TBC1D5: variants seen among roughly 807,000 people sequenced by gnomAD.
TBC1D5 encodes the protein TBC1 domain family member 5.
A neutral mutation model predicts 100.3 loss-of-function variants in TBC1D5; 75 were observed. That is an observed-to-expected ratio of 0.75 (90% CI 0.62 to 0.91). The LOEUF (loss-of-function observed/expected upper bound fraction) is 0.91. Among genes scored for constraint, TBC1D5 ranks in the 40% least tolerant of loss-of-function variants. The pLI is 0.00. For missense variants in TBC1D5, 910 were observed against 942.4 expected, an observed-to-expected ratio of 0.97 and a Z score of 0.45; for synonymous variants, 323 against 325.6, an observed-to-expected ratio of 0.99 and a Z score of 0.09.
At chr3:17,317,481 T>C (rs534762475) in intron 13 of TBC1D5, among the ~76,000 whole-genome samples, 1 of 152,268 alleles carries the variant, frequency 6.6e-6, no homozygotes, top group East Asian at 1.9e-4. Context: ...TGACATAAAT[T>C]ACCTTTTCTA....
At chr3:17,212,641 T>C (rs147164359) in intron 18 of TBC1D5, among the ~76,000 whole-genome samples, 1 of 151,878 alleles carries the variant, frequency 6.6e-6, no homozygotes, top group African/African-American at 2.4e-5. Context: ...GGACAAAACG[T>C]GGAGGTGGAA....
chr3:17,225,165 G>A (rs369376348), intron 17 of TBC1D5, among the ~76,000 whole-genome samples: 14 of 152,158 alleles, frequency 9.2e-5, no homozygotes, highest in African/African-American at 2.9e-4. Flanking sequence ...CAGGCCGGAC[G>A]CGGTGGCTCA....
chr3:17,485,713 T>G (rs2095557098), intron 3 of TBC1D5, among the ~76,000 whole-genome samples: 1 of 152,146 alleles, frequency 6.6e-6, no homozygotes, highest in African/African-American at 2.4e-5. Flanking sequence ...GATGTATATG[T>G]GCCACATTTT....
At chr3:17,681,286 A>G (rs2069434335) in intron 1 of TBC1D5, among the ~76,000 whole-genome samples, 1 of 151,656 alleles carries the variant, frequency 6.6e-6, no homozygotes, top group South Asian at 2.1e-4. Flanking sequence ...GATTTATTGC[A>G]CAAGAATTTT....
intron 15 of TBC1D5, among the ~76,000 whole-genome samples, chr3:17,289,511 G>C (rs1243137070): frequency 1.3e-5 from 2 of 152,010 alleles, no homozygotes; most frequent in African/African-American, 4.8e-5. Flanking sequence ...GTGGACACCT[G>C]TAGTCCCAGC....
At chr3:17,734,776 T>C (rs961963725) in intron 1 of TBC1D5, among the ~76,000 whole-genome samples, 30 of 152,308 alleles carry the variant, frequency 2.0e-4, no homozygotes, top group African/African-American at 7.2e-4. Flanking sequence ...AATTTGGCCA[T>C]GTATAACACA....
At chr3:17,196,973 C>A (rs1245016376) in intron 18 of TBC1D5, among the ~76,000 whole-genome samples, 1 of 152,202 alleles carries the variant, frequency 6.6e-6, no homozygotes, top group African/African-American at 2.4e-5. Context: ...ATGCAGAAAA[C>A]TCCACATAGA....
intron 20 of TBC1D5, 138 bp downstream of exon 21, chr3:17,167,611 G>A (rs1442036891): frequency 5.7e-6 from 4 of 702,294 alleles, no homozygotes; most frequent in Non-Finnish European, 9.9e-6. Flanking sequence ...AAGAGGTGGT[G>A]ATGCAGAAGG....
At chr3:17,172,538 C>T (rs1338851935) in intron 19 of TBC1D5, among the ~76,000 whole-genome samples, 1 of 152,222 alleles carries the variant, frequency 6.6e-6, no homozygotes, top group Non-Finnish European at 1.5e-5. Context: ...GAAGATTACA[C>T]TCTTTATAAT....
chr3:17,640,232 T>C (rs1294474466), intron 1 of TBC1D5, among the ~76,000 whole-genome samples: 1 of 152,194 alleles, frequency 6.6e-6, no homozygotes, highest in Non-Finnish European at 1.5e-5. Flanking sequence ...AGGTGCCATT[T>C]GGTGTAGCTA....
At chr3:17,530,030 G>A (rs187402978) in intron 2 of TBC1D5, among the ~76,000 whole-genome samples, 20 of 152,202 alleles carry the variant, frequency 1.3e-4, no homozygotes, top group Admixed American at 1.1e-3. Context: ...GATCACCCGA[G>A]GTCAGGAGTT....
At chr3:17,160,430 G>C (rs2065930869) in exon 22 of TBC1D5, 2 of 152,606 alleles carry the variant, frequency 1.3e-5, no homozygotes, top group East Asian at 1.9e-4. Flanking sequence ...TCATTCTATT[G>C]CATTTAGCTC....
At chr3:17,434,162 A>G (rs1203679610) in intron 3 of TBC1D5, among the ~76,000 whole-genome samples, 1 of 152,174 alleles carries the variant, frequency 6.6e-6, no homozygotes, top group East Asian at 1.9e-4. Flanking sequence ...TAGGGTCTGG[A>G]GAACAGTGGC....
intron 3 of TBC1D5, among the ~76,000 whole-genome samples, chr3:17,435,686 CA>C (rs1279966109): frequency 6.6e-6 from 1 of 152,194 alleles, no homozygotes; most frequent in Admixed American, 6.5e-5. Context: ...ACAGCAAAAT[CA>C]TATCACTCAC....
rs539873139 is a variant in TBC1D5, at chr3:17,434,319, G to T, written c.98-5800C>A. 5.9e-5 allele frequency among the ~76,000 whole-genome samples: 9 copies of T among 152,322 alleles called. No individual in the cohort carries two copies. The South Asian group carries it at 1.2e-3, about 21-fold the overall frequency. ...CAGACTTCTGCCTGGACATCCAGGT[G>T]TTTCCATATATCATCTGAAATCTAG... is the stretch of plus-strand genomic sequence containing the variant. On this transcript the variant is annotated intron_variant, in intron 3 of 21. Transcript: ENST00000253692.
intron 13 of TBC1D5, among the ~76,000 whole-genome samples, chr3:17,356,811 C>G (rs895385558): frequency 2.0e-5 from 3 of 152,092 alleles, no homozygotes; most frequent in African/African-American, 7.2e-5. Context: ...AATGCAGATC[C>G]TGGGTGTGGT....
intron 3 of TBC1D5, among the ~76,000 whole-genome samples, chr3:17,490,903 A>G (rs963217896): frequency 1.3e-5 from 2 of 152,212 alleles, no homozygotes; most frequent in African/African-American, 4.8e-5. Context: ...TTTCAGCAGT[A>G]TGGCCATTTT....
At chr3:17,455,243 T>TTG (rs2095035471) in intron 3 of TBC1D5, among the ~76,000 whole-genome samples, 12 of 141,504 alleles carry the variant, frequency 8.5e-5, no homozygotes, top group African/African-American at 3.0e-4. Context: ...TATACATATA[T>TTG]TATTGTATAT....
Position 17,735,362 on chromosome 3 carries a change from G to A in TBC1D5, c.-101+3981C>T, listed in dbSNP as rs181687487. On this transcript the variant is annotated intron_variant, in intron 1 of 21. Transcript: ENST00000253692. ...TAATGACATGAGTAATATCGTATTAGGTGAAAAACAACTGCAAACAACAAA... is the reference window on the plus strand; with the variant it reads ...TAATGACATGAGTAATATCGTATTAAGTGAAAAACAACTGCAAACAACAAA... Among the ~76,000 whole-genome samples, 249 of 152,264 alleles carry A rather than the reference G, an allele frequency of 1.6e-3. 1 individual carries two copies. The highest frequency in any genetic ancestry group is 1.8e-4 in the Non-Finnish European group (12 of 68,026).
Sources: allele counts gnomAD v4.1 joint callset (sites outside exome capture counted in the v4.1 genomes callset), GRCh38; gene constraint gnomAD v4.1.1; transcripts MANE v1.5; gene names NCBI Gene and HGNC (gene_info 2026-07-23, HGNC 2026-07-21).